Variants in TRIM16 observed in about 807,000 individuals in gnomAD.
TRIM16 encodes the protein tripartite motif-containing protein 16.
A neutral mutation model predicts 50.4 loss-of-function variants in TRIM16; 33 were observed. The ratio of observed to expected loss-of-function variants is 0.65; its 90% CI spans 0.50 to 0.88. TRIM16 has a LOEUF of 0.88. Among genes scored for constraint, TRIM16 ranks in the 40% least tolerant of loss-of-function variants. The pLI, the probability that TRIM16 is intolerant of heterozygous loss-of-function variation, is 0.00. For synonymous variants in TRIM16, 229 were observed against 270.7 expected (o/e 0.85, Z 1.51); for missense variants, 581 against 686.8 (o/e 0.85, Z 1.72).
intron 6 of TRIM16, among the ~76,000 whole-genome samples, chr17:15,657,644 T>G (rs1372212680): frequency 1.3e-5 from 2 of 152,244 alleles, no homozygotes; most frequent in Admixed American, 6.5e-5. Flanking sequence ...AGTGTTTGTC[T>G]TTTTGTGACT....
In TRIM16 at chr17:15,680,881, C is replaced by G. The variant is rs186679305; in HGVS notation, c.-606G>C. The G allele has an allele frequency of 6.5e-7, 1 of 1,545,950 alleles. No homozygotes were observed. Among genetic ancestry groups the G allele is most frequent in the Non-Finnish European group, 8.7e-7 (1 of 1,145,866 alleles). ...CCAACTCACCTGGGACTCTGCTGTC[C>G]GGCAAAGAGCAGCCATATTTTCCTT... is the stretch of plus-strand genomic sequence containing the variant. On this transcript the variant is annotated 5_prime_UTR_variant, in exon 4 of 12. Coordinates refer to ENST00000649191, the MANE Select transcript of TRIM16 (RefSeq NM_001348119.1).
Position 15,651,852 on chromosome 17 carries a change from C to G in TRIM16, c.-243G>C. On this transcript the variant is annotated 5_prime_UTR_variant, in exon 7 of 12. Coordinates refer to ENST00000649191, the MANE Select transcript of TRIM16 (RefSeq NM_001348119.1). ...TCAGGACAGCCGGCTCAGGCTCAGG[C>G]TGCCTCCCCAGGTCCAGCCCTGAAA... 1 of 1,422,422 alleles carries G rather than the reference C, an allele frequency of 7.0e-7. No individual in the cohort carries two copies. The highest frequency in any genetic ancestry group is 9.2e-7 in the Non-Finnish European group (1 of 1,092,326). The allele number at this position is 1,422,422 out of a possible 1,614,324, so 88.1% of individuals were successfully genotyped here.
chr17:15,647,140 T>C (rs572974602), intron 7 of TRIM16, among the ~76,000 whole-genome samples: 257 of 151,206 alleles, frequency 1.7e-3, no homozygotes, highest in Middle Eastern at 6.9e-3. Context: ...CTAATTTTTG[T>C]ATTTTTTTTT....
chr17:15,651,066 G>A (rs754444064), intron 7 of TRIM16, 25 bp downstream of exon 7: 2 of 1,583,220 alleles, frequency 1.3e-6, no homozygotes, highest in South Asian at 2.3e-5. Context: ...TCTCCCAAAT[G>A]GATGAATGGT....
chr17:15,657,001 T>C (rs1371643158), intron 6 of TRIM16, among the ~76,000 whole-genome samples: 3 of 151,426 alleles, frequency 2.0e-5, no homozygotes, highest in South Asian at 2.1e-4. Context: ...CCTGGGCTCA[T>C]GCAATCCTCC....
At chr17:15,682,403 G>A (rs929909240) in intron 3 of TRIM16, among the ~76,000 whole-genome samples, 1 of 152,214 alleles carries the variant, frequency 6.6e-6, no homozygotes, top group Non-Finnish European at 1.5e-5. Flanking sequence ...AGAAATCAGA[G>A]GGCCTGAGGG....
chr17:15,644,120 A>C (rs1416698462), intron 7 of TRIM16, among the ~76,000 whole-genome samples: 1 of 152,210 alleles, frequency 6.6e-6, no homozygotes, highest in Non-Finnish European at 1.5e-5. Context: ...TGCAGGGTGC[A>C]CACCCTCCAT....
chr17:15,658,951 G>A (rs551672225), intron 6 of TRIM16: 14 of 849,292 alleles, frequency 1.6e-5, no homozygotes, highest in Non-Finnish European at 2.0e-5. Context: ...ATAAAGGTGA[G>A]ACAAACAGCA....
At position 15,668,937 on chromosome 17, in the gene TRIM16, T is replaced by C. The variant is rs538558184; in HGVS notation, c.-338+8239A>G. 3.0e-3 allele frequency among the ~76,000 whole-genome samples: 457 copies of C among 151,536 alleles called. 10 individuals are homozygous for C. Among genetic ancestry groups the C allele is most frequent in the Non-Finnish European group, 1.8e-3 (124 of 67,836 alleles). ...AAAATGTATAAGGAACTACTCCAAA[T>C]TGATAAAAAGAAAGCAACCCAATAA... is the stretch of plus-strand genomic sequence containing the variant. On this transcript the variant is annotated intron_variant, in intron 6 of 11. Coordinates refer to ENST00000649191, the MANE Select transcript of TRIM16 (RefSeq NM_001348119.1).
intron 4 of TRIM16, among the ~76,000 whole-genome samples, chr17:15,679,718 A>G (rs568451266): frequency 2.6e-5 from 4 of 152,214 alleles, no homozygotes; most frequent in African/African-American, 9.6e-5. Flanking sequence ...CGGGCAGATC[A>G]CAAGGTCAGG....
chr17:15,683,919 T>G (rs898213299), intron 1 of TRIM16: 2 of 152,352 alleles, frequency 1.3e-5, no homozygotes, highest in Admixed American at 6.5e-5. Context: ...GGGCGCTACC[T>G]GCCTCACTTT....
At chr17:15,655,215 C>T (rs568127905) in intron 6 of TRIM16, among the ~76,000 whole-genome samples, 1 of 152,116 alleles carries the variant, frequency 6.6e-6, no homozygotes, top group South Asian at 2.1e-4. Context: ...CTGAACTGGT[C>T]CACCCGCATA....
chr17:15,648,267 A>AC (rs1374556748), intron 7 of TRIM16, among the ~76,000 whole-genome samples: 1 of 151,856 alleles, frequency 6.6e-6, no homozygotes, highest in Admixed American at 6.6e-5. Context: ...AAACAAACAA[A>AC]AAAACACAAA....
At chr17:15,648,269 A>C (rs1322793735) in intron 7 of TRIM16, among the ~76,000 whole-genome samples, 1 of 151,844 alleles carries the variant, frequency 6.6e-6, no homozygotes, top group African/African-American at 2.4e-5. Context: ...ACAAACAAAA[A>C]AACACAAAGG....
At chr17:15,675,769 G>A (rs1302213225) in intron 6 of TRIM16, 1 of 157,972 alleles carries the variant, frequency 6.3e-6, no homozygotes, top group African/African-American at 2.4e-5. Context: ...ACATACGTAT[G>A]TGTATATACA....
At chr17:15,660,259 C>T (rs1988162937) in intron 6 of TRIM16, among the ~76,000 whole-genome samples, 1 of 152,066 alleles carries the variant, frequency 6.6e-6, no homozygotes, top group Non-Finnish European at 1.5e-5. Context: ...AAAATGTGCC[C>T]CTCCCTCGAT....
intron 6 of TRIM16, among the ~76,000 whole-genome samples, chr17:15,670,362 T>C (rs915683025): frequency 1.3e-5 from 2 of 152,170 alleles, no homozygotes; most frequent in Admixed American, 6.5e-5. Flanking sequence ...TACCACTAAA[T>C]GTAAACCAGC....
At chr17:15,655,350 C>A (rs979339355) in intron 6 of TRIM16, among the ~76,000 whole-genome samples, 13 of 152,216 alleles carry the variant, frequency 8.5e-5, no homozygotes, top group Admixed American at 1.3e-4. Context: ...TGGCTCACTT[C>A]TTCCTCATTC....
chr17:15,670,151 T>C (rs893794798), intron 6 of TRIM16, among the ~76,000 whole-genome samples: 7 of 152,324 alleles, frequency 4.6e-5, no homozygotes, highest in African/African-American at 1.7e-4. Context: ...ACAGAATTAT[T>C]TTCATAGCTT....
Sources: gnomAD v4.1 joint callset for allele counts (sites outside exome capture counted in the v4.1 genomes callset) on GRCh38, gnomAD v4.1.1 for gene constraint, MANE v1.5 for transcripts, NCBI Gene and HGNC (gene_info 2026-07-23, HGNC 2026-07-21) for gene names.